Variants in MTA3 observed in about 807,000 individuals in gnomAD.
MTA3 encodes the protein metastasis associated 1 family member 3.
In MTA3, 34 loss-of-function variants were observed where a neutral mutation model predicts 83.5. The observed-to-expected ratio is 0.41, with a 90% CI of 0.31 to 0.54. The LOEUF (loss-of-function observed/expected upper bound fraction) is 0.54. Ranked by LOEUF, MTA3 falls within the 20% of genes least tolerant of loss-of-function variation. MTA3 has a pLI of 0.33. For synonymous variants in MTA3, 303 were observed against 252.7 expected, an observed-to-expected ratio of 1.20 and a Z score of -1.89; for missense variants, 761 against 726.4, an observed-to-expected ratio of 1.05 and a Z score of -0.55.
At position 42,521,608 on chromosome 2, in the gene MTA3, G is replaced by A. The variant is rs377141374; in HGVS notation, c.-141+26354G>A. ...TATTATTACACAGGGCCATGGACCC[G>A]GGGCACACAGAAAGGAAGGGTGGCT... On this transcript the variant is annotated intron_variant, in intron 2 of 17. Coordinates refer to the MTA3 transcript ENST00000405592. Among the ~76,000 whole-genome samples, 91 of 152,164 alleles carry A rather than the reference G, an allele frequency of 6.0e-4. 1 individual carries two copies. Among genetic ancestry groups the A allele is most frequent in the South Asian group, 3.5e-3 (17 of 4,818 alleles).
chr2:42,575,310 G>A (rs1357510638), intron 2 of MTA3, among the ~76,000 whole-genome samples: 2 of 152,154 alleles, frequency 1.3e-5, no homozygotes, highest in Non-Finnish European at 2.9e-5. Context: ...TTCCTAGAGT[G>A]TCAGCTGCAG....
intron 4 of MTA3, among the ~76,000 whole-genome samples, chr2:42,621,947 C>T (rs1573340068): frequency 6.6e-6 from 1 of 151,684 alleles, no homozygotes; most frequent in Non-Finnish European, 1.5e-5. Context: ...AGGGGCTCCT[C>T]ACATCCCAGA....
At chr2:42,607,513 G>C (rs545184128) in intron 3 of MTA3, among the ~76,000 whole-genome samples, 4 of 152,212 alleles carry the variant, frequency 2.6e-5, no homozygotes, top group African/African-American at 9.6e-5. Context: ...TGAGTAGCTG[G>C]GACCATGGGC....
chr2:42,549,662 A>G (rs1248876462), intron 2 of MTA3, among the ~76,000 whole-genome samples: 20 of 128,818 alleles, frequency 1.6e-4, no homozygotes, highest in Admixed American at 1.3e-3. Context: ...TATTATATAC[A>G]TATACATATA....
intron 2 of MTA3, among the ~76,000 whole-genome samples, chr2:42,578,673 A>C (rs1679303477): frequency 6.6e-6 from 1 of 152,116 alleles, no homozygotes; most frequent in Non-Finnish European, 1.5e-5. Context: ...GCTTTCTGGG[A>C]ATGGGTTTGG....
chr2:42,648,121 A>G (rs1411028707), intron 6 of MTA3, among the ~76,000 whole-genome samples: 1 of 152,214 alleles, frequency 6.6e-6, no homozygotes, highest in Non-Finnish European at 1.5e-5. Context: ...GATTACAGGC[A>G]TGAGCCTCTG....
chr2:42,568,640 G>A lies in MTA3; in HGVS notation c.-106G>A. 1 of 747,264 alleles carries A rather than the reference G, an allele frequency of 1.3e-6. No individual in the cohort carries two copies. Among genetic ancestry groups the A allele is most frequent in the Non-Finnish European group, 1.8e-6 (1 of 568,234 alleles). 46.3% of individuals were successfully genotyped at this position (747,264 alleles called of 1,614,324 possible). A position where few individuals can be genotyped will look rare whatever the true frequency, so the allele number is the denominator to read the frequency against. On this transcript the variant is annotated 5_prime_UTR_variant, in exon 1 of 17. Coordinates refer to ENST00000405094, the MANE Select transcript of MTA3 (RefSeq NM_001330442.2). ...TCCCTCCCTTCCCCCCCGTGGCGAG[G>A]CAGCAGCGACGGCGGCGGCGGCAGC...
intron 14 of MTA3, among the ~76,000 whole-genome samples, chr2:42,711,428 AAG>A (rs1666600284): frequency 1.3e-5 from 2 of 152,338 alleles, no homozygotes; most frequent in South Asian, 2.1e-4. Context: ...GTAATCATAA[AAG>A]AGCAGTCGTC....
At chr2:42,677,340 TTTTTTTA>T (rs1558572639) in intron 8 of MTA3, among the ~76,000 whole-genome samples, 3 of 152,164 alleles carry the variant, frequency 2.0e-5, no homozygotes, top group African/African-American at 7.2e-5. Context: ...TGATTTATTT[TTTTTTTA>T]TTTTTTATTT....
chr2:42,549,450 ATATAT>A (rs143560829), intron 2 of MTA3, among the ~76,000 whole-genome samples: 69,548 of 93,748 alleles, frequency 0.74, 26,620 homozygotes, highest in South Asian at 0.89. Flanking sequence ...TATACATATA[ATATAT>A]TATATATACA....
chr2:42,594,831 A>T (rs1206435579), intron 3 of MTA3, among the ~76,000 whole-genome samples: 1 of 142,272 alleles, frequency 7.0e-6, no homozygotes, highest in African/African-American at 2.6e-5. Flanking sequence ...GGTTCACGCC[A>T]TTCTCCCGCC....
intron 9 of MTA3, among the ~76,000 whole-genome samples, chr2:42,691,410 A>G (rs958056714): frequency 6.6e-6 from 1 of 152,218 alleles, no homozygotes; most frequent in Non-Finnish European, 1.5e-5. Flanking sequence ...TAATAATTAG[A>G]AAACTGCATT....
chr2:42,563,576 C>G (rs924499209), intron 2 of MTA3, among the ~76,000 whole-genome samples: 4 of 152,236 alleles, frequency 2.6e-5, no homozygotes, highest in East Asian at 1.9e-4. Flanking sequence ...ATGCCATTAT[C>G]CTGCCTCAGC....
intron 3 of MTA3, among the ~76,000 whole-genome samples, chr2:42,584,719 T>G (rs1680061604): frequency 1.3e-5 from 2 of 151,868 alleles, no homozygotes; most frequent in African/African-American, 4.8e-5. Context: ...AAGAAAAGAT[T>G]AGCTGGGTGT....
chr2:42,550,878 C>G (rs1012506792), intron 2 of MTA3, among the ~76,000 whole-genome samples: 18 of 151,810 alleles, frequency 1.2e-4, no homozygotes, highest in African/African-American at 3.2e-4. Context: ...CCCATCTCTA[C>G]TAAAAATACA....
intron 2 of MTA3, among the ~76,000 whole-genome samples, chr2:42,509,932 A>G (rs1674819012): frequency 6.6e-6 from 1 of 152,148 alleles, no homozygotes; most frequent in African/African-American, 2.4e-5. Context: ...TTTTTCTGAA[A>G]AACCACTTCT....
intron 2 of MTA3, among the ~76,000 whole-genome samples, chr2:42,576,111 A>G (rs1466500398): frequency 1.3e-5 from 2 of 152,244 alleles, no homozygotes; most frequent in African/African-American, 4.8e-5. Context: ...ACCAGGCACT[A>G]TGCTAGGCTC....
intron 4 of MTA3, among the ~76,000 whole-genome samples, chr2:42,610,290 G>A (rs947610752): frequency 6.6e-6 from 1 of 152,178 alleles, no homozygotes; most frequent in African/African-American, 2.4e-5. Flanking sequence ...TGCTTCCCAG[G>A]CAGGTGACTC....
chr2:42,496,021 T>C (rs988824218), intron 2 of MTA3, among the ~76,000 whole-genome samples: 2 of 152,212 alleles, frequency 1.3e-5, no homozygotes, highest in Non-Finnish European at 2.9e-5. Context: ...TAAAAAATAC[T>C]TTCTAGAAGC....
Sources: allele counts gnomAD v4.1 joint callset (sites outside exome capture counted in the v4.1 genomes callset), GRCh38; gene constraint gnomAD v4.1.1; transcripts MANE v1.5; gene names NCBI Gene and HGNC (gene_info 2026-07-23, HGNC 2026-07-21).